ARHGAP17: variants seen among roughly 807,000 people sequenced by gnomAD.
ARHGAP17 encodes rho GTPase-activating protein 17.
In ARHGAP17, 57 loss-of-function variants were observed where a neutral mutation model predicts 99.5. The ratio of observed to expected loss-of-function variants is 0.57; its 90% CI spans 0.46 to 0.71. ARHGAP17 has a LOEUF of 0.71. Ranked by LOEUF, ARHGAP17 falls within the 30% of genes least tolerant of loss-of-function variation. ARHGAP17 has a pLI of 0.00. For synonymous variants in ARHGAP17, 417 were observed against 429.6 expected (o/e 0.97, Z 0.36); for missense variants, 1,000 against 1,122.4 (o/e 0.89, Z 1.56).
At chr16:24,961,716 T>C (rs902868628) in intron 7 of ARHGAP17, among the ~76,000 whole-genome samples, 2 of 150,692 alleles carry the variant, frequency 1.3e-5, no homozygotes, top group African/African-American at 4.9e-5. Context: ...TGTTTTTTAG[T>C]AGAGATGGAG....
chr16:24,954,805 C>A, intron 9 of ARHGAP17, 75 bp from the exon 10 acceptor site: 1 of 1,575,962 alleles, frequency 6.3e-7, no homozygotes, highest in South Asian at 1.2e-5. Flanking sequence ...CCCAACTACC[C>A]AATGGGCTTT....
chr16:24,978,951 A>T lies in ARHGAP17; in HGVS notation c.93+15T>A. 6.3e-7 allele frequency: 1 copy of T among 1,577,672 alleles called. No homozygotes were observed. The highest frequency in any genetic ancestry group is 8.6e-7 in the Non-Finnish European group (1 of 1,164,196). On this transcript the variant is annotated intron_variant, in intron 2 of 19. Transcript: ENST00000289968. ...CCTTTAAACAGATCATTTAAAGGAG[A>T]CTATATTTTGTTACCTGTAATAGAT... is the stretch of plus-strand genomic sequence containing the variant.
chr16:24,936,025 G>T (rs755808230), intron 17 of ARHGAP17: 1 of 318,636 alleles, frequency 3.1e-6, no homozygotes, highest in Non-Finnish European at 6.1e-6. Context: ...TCATCAGAGA[G>T]ACCATTTCAA....
At chr16:24,929,111 T>G (rs1316864090) in intron 19 of ARHGAP17, among the ~76,000 whole-genome samples, 1 of 151,498 alleles carries the variant, frequency 6.6e-6, no homozygotes, top group Admixed American at 6.6e-5. Context: ...CTGGGAAGAG[T>G]AGACTGCTGC....
Position 24,935,659 on chromosome 16 carries a change from A to G in ARHGAP17, c.1725-20T>C. On this transcript the variant is annotated intron_variant, in intron 17 of 19. Coordinates refer to ENST00000289968, the MANE Select transcript of ARHGAP17 (RefSeq NM_001006634.3). ...GGAGGACTAAGAGGAGTAAAAGTCAAGTTAGACGTCAGACAATCCCAGCTA... is the reference window on the plus strand; with the variant it reads ...GGAGGACTAAGAGGAGTAAAAGTCAGGTTAGACGTCAGACAATCCCAGCTA... The G allele has an allele frequency of 6.2e-7, 1 of 1,612,348 alleles. No homozygotes were observed. Among genetic ancestry groups the G allele is most frequent in the Non-Finnish European group, 8.5e-7 (1 of 1,179,114 alleles).
chr16:24,982,992 ATATATTTTTT>A (rs1315744273), intron 1 of ARHGAP17, among the ~76,000 whole-genome samples: 9 of 28,746 alleles, frequency 3.1e-4, no homozygotes, highest in Admixed American at 6.6e-4. Flanking sequence ...ATATATATAT[ATATATTTTTT>A]TTTTTTTTTT....
At chr16:25,007,668 C>A (rs894203568) in intron 1 of ARHGAP17, among the ~76,000 whole-genome samples, 70 of 152,214 alleles carry the variant, frequency 4.6e-4, no homozygotes, top group African/African-American at 1.7e-3. Flanking sequence ...ACCCGGCTCA[C>A]TGACAACTTT....
At chr16:24,963,228 C>G (rs2052066545) in intron 7 of ARHGAP17, among the ~76,000 whole-genome samples, 1 of 152,206 alleles carries the variant, frequency 6.6e-6, no homozygotes. Flanking sequence ...ATCTGAATAT[C>G]ATCTTTTAAA....
chr16:24,934,280 C>G (rs770576431), intron 18 of ARHGAP17, among the ~76,000 whole-genome samples: 1 of 152,120 alleles, frequency 6.6e-6, no homozygotes. Flanking sequence ...CCTGCCTCAG[C>G]CTCTTGAGTA....
At chr16:24,982,996 ATTTTTTTTTTTTT>A (rs1193522045) in intron 1 of ARHGAP17, among the ~76,000 whole-genome samples, 17 of 46,960 alleles carry the variant, frequency 3.6e-4, no homozygotes, top group African/African-American at 6.1e-4. Flanking sequence ...ATATATATAT[ATTTTTTTTTTTTT>A]TTTTTTTTTT....
intron 3 of ARHGAP17, among the ~76,000 whole-genome samples, chr16:24,976,564 G>GA (rs947045289): frequency 3.3e-5 from 5 of 151,584 alleles, no homozygotes; most frequent in Admixed American, 2.6e-4. Flanking sequence ...GAAGGGAAAG[G>GA]AAAGGGGAAA....
chr16:24,984,893 TA>T (rs200488274), intron 1 of ARHGAP17, among the ~76,000 whole-genome samples: 13 of 147,920 alleles, frequency 8.8e-5, no homozygotes, highest in South Asian at 4.3e-4. Context: ...CAGTTGAAAA[TA>T]AAAAAAAAAT....
intron 17 of ARHGAP17, among the ~76,000 whole-genome samples, chr16:24,938,173 C>A (rs968008122): frequency 2.0e-5 from 3 of 152,070 alleles, no homozygotes; most frequent in Non-Finnish European, 4.4e-5. Context: ...ACCAGCCTGA[C>A]CAACATGGCG....
At chr16:24,958,776 T>A (rs2051889284) in intron 9 of ARHGAP17, among the ~76,000 whole-genome samples, 1 of 152,118 alleles carries the variant, frequency 6.6e-6, no homozygotes. Flanking sequence ...CACAGACACA[T>A]GCTCGGTCTC....
chr16:25,011,714 G>C (rs973202778), intron 1 of ARHGAP17, among the ~76,000 whole-genome samples: 2 of 146,176 alleles, frequency 1.4e-5, no homozygotes, highest in African/African-American at 2.5e-5. Flanking sequence ...AAAAAAAAAA[G>C]AGTGGAACCC....
chr16:24,946,520 G>A (rs1223793995), intron 14 of ARHGAP17, among the ~76,000 whole-genome samples: 1 of 150,488 alleles, frequency 6.6e-6, no homozygotes, highest in Non-Finnish European at 1.5e-5. Context: ...TGATAAAGGG[G>A]GCAGAATACG....
chr16:24,952,821 G>A, intron 11 of ARHGAP17, 110 bp downstream of exon 11: 3 of 978,628 alleles, frequency 3.1e-6, no homozygotes, highest in Non-Finnish European at 4.7e-6. Context: ...CTTCGGTTTT[G>A]TCACTTAAAC....
At chr16:25,008,544 C>T (rs939696033) in intron 1 of ARHGAP17, among the ~76,000 whole-genome samples, 2 of 152,150 alleles carry the variant, frequency 1.3e-5, no homozygotes, top group Non-Finnish European at 2.9e-5. Flanking sequence ...TGGATTTGTA[C>T]TTCACTAGTT....
At chr16:24,992,267 G>A (rs548955665) in intron 1 of ARHGAP17, among the ~76,000 whole-genome samples, 21 of 152,306 alleles carry the variant, frequency 1.4e-4, no homozygotes, top group African/African-American at 2.4e-4. Flanking sequence ...ATATCTAGAC[G>A]AGAGACAAGA....
Sources: gnomAD v4.1 joint callset for allele counts (sites outside exome capture counted in the v4.1 genomes callset) on GRCh38, gnomAD v4.1.1 for gene constraint, MANE v1.5 for transcripts, NCBI Gene and HGNC (gene_info 2026-07-23, HGNC 2026-07-21) for gene names.